TBC1D1: variants seen among roughly 807,000 people sequenced by gnomAD.
TBC1D1 encodes TBC1 (tre-2/USP6, BUB2, cdc16) domain family, member 1.
Under a neutral mutation model 125.6 loss-of-function variants are expected in TBC1D1, and 89 were observed. The ratio of observed to expected loss-of-function variants is 0.71; its 90% CI spans 0.60 to 0.85. The LOEUF is 0.85. Ranked by LOEUF, TBC1D1 falls within the 40% of genes least tolerant of loss-of-function variation. The pLI is 0.00. For synonymous variants in TBC1D1, 565 were observed against 564.1 expected (o/e 1.00, Z -0.02); for missense variants, 1,377 against 1,469.2 (o/e 0.94, Z 1.03).
intron 2 of TBC1D1, among the ~76,000 whole-genome samples, chr4:37,947,253 T>G (rs930340442): frequency 6.6e-5 from 10 of 151,760 alleles, no homozygotes; most frequent in African/African-American, 2.4e-4. Flanking sequence ...ACTTCCTGGG[T>G]TCAAGCGATT....
chr4:37,925,681 CAAAAA>C (rs34337656), intron 2 of TBC1D1, among the ~76,000 whole-genome samples: 3 of 106,572 alleles, frequency 2.8e-5, no homozygotes, highest in Admixed American at 9.1e-5. Flanking sequence ...GACTCCATCT[CAAAAA>C]AAAAAAAAAA....
chr4:38,040,523 G>A (rs559648615), intron 8 of TBC1D1, among the ~76,000 whole-genome samples: 73 of 152,254 alleles, frequency 4.8e-4, no homozygotes, highest in Middle Eastern at 3.4e-3. Context: ...TCTTGTCCTC[G>A]TGATCCGCCT....
intron 2 of TBC1D1, among the ~76,000 whole-genome samples, chr4:37,962,344 G>A (rs1730223364): frequency 6.6e-6 from 1 of 152,206 alleles, no homozygotes; most frequent in Non-Finnish European, 1.5e-5. Flanking sequence ...TCATATTTCT[G>A]CATTTTGGAT....
At chr4:37,913,606 T>A (rs1402800673) in intron 2 of TBC1D1, among the ~76,000 whole-genome samples, 3 of 126,540 alleles carry the variant, frequency 2.4e-5, no homozygotes, top group African/African-American at 9.8e-5. Context: ...TCTCAAAAAA[T>A]AAATATATAT....
intron 2 of TBC1D1, among the ~76,000 whole-genome samples, chr4:38,000,846 C>A (rs577285784): frequency 6.6e-6 from 1 of 152,356 alleles, no homozygotes; most frequent in Non-Finnish European, 1.5e-5. Flanking sequence ...CCACCACCTC[C>A]TCCTCAGGGT....
intron 12 of TBC1D1, among the ~76,000 whole-genome samples, chr4:38,077,361 T>C (rs1755771889): frequency 6.6e-6 from 1 of 152,202 alleles, no homozygotes. Context: ...AGGTTCTGAA[T>C]TGGAAAGCTG....
At chr4:38,094,016 G>T (rs1306060612) in intron 13 of TBC1D1, among the ~76,000 whole-genome samples, 10 of 152,182 alleles carry the variant, frequency 6.6e-5, no homozygotes, top group Non-Finnish European at 1.5e-4. Context: ...AATTACAGTT[G>T]ATGTTTTTTA....
At chr4:37,913,309 A>G (rs1718997437) in intron 2 of TBC1D1, among the ~76,000 whole-genome samples, 3 of 152,124 alleles carry the variant, frequency 2.0e-5, no homozygotes, top group African/African-American at 2.4e-5. Context: ...CCTAAAAAAT[A>G]TATTCAGGGC....
At chr4:37,982,889 A>G (rs1240802699) in intron 2 of TBC1D1, among the ~76,000 whole-genome samples, 1 of 152,136 alleles carries the variant, frequency 6.6e-6, no homozygotes, top group Non-Finnish European at 1.5e-5. Flanking sequence ...CAGGGCAGAG[A>G]ATAACGGGAA....
intron 2 of TBC1D1, among the ~76,000 whole-genome samples, chr4:37,904,032 T>C (rs1304116047): frequency 1.3e-5 from 2 of 152,210 alleles, no homozygotes; most frequent in Non-Finnish European, 2.9e-5. Flanking sequence ...CTTCCTGTAC[T>C]CTAATCCTAC....
Position 38,125,453 on chromosome 4 carries a change from A to C in TBC1D1, c.3132+322A>C, listed in dbSNP as rs115175452. 1.4e-3 allele frequency among the ~76,000 whole-genome samples: 212 copies of C among 152,320 alleles called. 1 individual carries two copies. Among genetic ancestry groups the C allele is most frequent in the African/African-American group, 4.9e-3 (202 of 41,576 alleles). On this transcript the variant is annotated intron_variant, in intron 18 of 19. Coordinates refer to ENST00000261439, the MANE Select transcript of TBC1D1 (RefSeq NM_015173.4). ...TCTGAAACATATATATATTTATGCA[A>C]TGATGCAATGTAGGGTTTTGTACAT... is the stretch of plus-strand genomic sequence containing the variant.
At chr4:38,126,754 C>A (rs1764716694) in intron 18 of TBC1D1, among the ~76,000 whole-genome samples, 1 of 152,108 alleles carries the variant, frequency 6.6e-6, no homozygotes, top group South Asian at 2.1e-4. Context: ...AGGCCGCACT[C>A]CTGAGAGGAT....
intron 17 of TBC1D1, among the ~76,000 whole-genome samples, chr4:38,123,980 A>G (rs1423108813): frequency 6.6e-6 from 1 of 152,184 alleles, no homozygotes; most frequent in Non-Finnish European, 1.5e-5. Flanking sequence ...TATTCCTCTC[A>G]CCTGCTTTTG....
chr4:37,979,744 G>A (rs967205085), intron 2 of TBC1D1, among the ~76,000 whole-genome samples: 1 of 152,194 alleles, frequency 6.6e-6, no homozygotes, highest in African/African-American at 2.4e-5. Context: ...GTGGGTGTCG[G>A]TTGATTCACA....
intron 8 of TBC1D1, among the ~76,000 whole-genome samples, chr4:38,037,862 A>G (rs1747523985): frequency 6.6e-6 from 1 of 152,196 alleles, no homozygotes; most frequent in Admixed American, 6.5e-5. Flanking sequence ...GAGTCTTTTG[A>G]TCTTATAGAA....
chr4:38,057,385 A>G (rs766872173), intron 12 of TBC1D1, among the ~76,000 whole-genome samples: 2 of 152,112 alleles, frequency 1.3e-5, no homozygotes, highest in African/African-American at 2.4e-5. Flanking sequence ...CCTGTAACAC[A>G]TGTTCACAGG....
intron 2 of TBC1D1, among the ~76,000 whole-genome samples, chr4:37,951,028 A>G (rs1727751588): frequency 6.6e-6 from 1 of 151,994 alleles, no homozygotes; most frequent in Admixed American, 6.6e-5. Context: ...CCTCCCACCA[A>G]TGCTGGGATT....
At chr4:37,955,671 C>T (rs562376850) in intron 2 of TBC1D1, among the ~76,000 whole-genome samples, 19 of 152,166 alleles carry the variant, frequency 1.2e-4, no homozygotes, top group Non-Finnish European at 2.2e-4. Flanking sequence ...AGAGGGTCAA[C>T]TGTATATAAA....
chr4:37,917,699 G>C (rs1720030932), intron 2 of TBC1D1, among the ~76,000 whole-genome samples: 1 of 152,172 alleles, frequency 6.6e-6, no homozygotes, highest in African/African-American at 2.4e-5. Context: ...TTCCCCATGA[G>C]AAGGGATTTT....
Sources: gnomAD v4.1 joint callset for allele counts (sites outside exome capture counted in the v4.1 genomes callset) on GRCh38, gnomAD v4.1.1 for gene constraint, MANE v1.5 for transcripts, NCBI Gene and HGNC (gene_info 2026-07-23, HGNC 2026-07-21) for gene names.